SCG5: variants seen among roughly 807,000 people sequenced by gnomAD.
The protein encoded by SCG5 is secretogranin V, also known as neuroendocrine protein 7B2.
In SCG5, 18 loss-of-function variants were observed where a neutral mutation model predicts 25.7. That is an observed-to-expected ratio of 0.70 (90% confidence interval 0.48 to 1.04). SCG5 has a LOEUF of 1.04. Ranked by LOEUF, SCG5 falls within the 50% of genes least tolerant of loss-of-function variation. The probability of loss-of-function intolerance (pLI) is 0.00; values close to 1 mark genes in which losing one functional copy is unlikely to be tolerated. For synonymous variants in SCG5, 101 were observed against 91.7 expected, an observed-to-expected ratio of 1.10 and a Z score of -0.58; for missense variants, 206 against 259.8, an observed-to-expected ratio of 0.79 and a Z score of 1.42.
intron 2 of SCG5, among the ~76,000 whole-genome samples, chr15:32,644,055 A>C (rs1339791644): frequency 6.6e-6 from 1 of 152,154 alleles, no homozygotes; most frequent in African/African-American, 2.4e-5. Context: ...GAGAGCAGGG[A>C]CCTTATCTAT....
At chr15:32,661,150 G>T (rs975481013) in intron 2 of SCG5, among the ~76,000 whole-genome samples, 1 of 152,202 alleles carries the variant, frequency 6.6e-6, no homozygotes, top group Non-Finnish European at 1.5e-5. Context: ...TTTAGAGCAG[G>T]TGAGCAACAT....
chr15:32,648,973 G>A (rs951736220), intron 2 of SCG5, among the ~76,000 whole-genome samples: 1 of 152,090 alleles, frequency 6.6e-6, no homozygotes, highest in East Asian at 1.9e-4. Context: ...GGGTTTCACC[G>A]TGTTAGCCTC....
chr15:32,687,522 A>C (rs11638903), intron 4 of SCG5, among the ~76,000 whole-genome samples: 1 of 152,044 alleles, frequency 6.6e-6, no homozygotes, highest in Admixed American at 6.5e-5. Flanking sequence ...GTGGGAATTG[A>C]GTATGTCTTG....
At chr15:32,689,987 G>A (rs1288149626) in intron 4 of SCG5, among the ~76,000 whole-genome samples, 3 of 151,966 alleles carry the variant, frequency 2.0e-5, no homozygotes, top group East Asian at 1.9e-4. Context: ...GACTACAGGC[G>A]CCCGCCACCA....
intron 2 of SCG5, among the ~76,000 whole-genome samples, chr15:32,649,924 G>T (rs944462393): frequency 1.3e-5 from 2 of 152,192 alleles, no homozygotes; most frequent in Non-Finnish European, 2.9e-5. Flanking sequence ...AAATGGGCTT[G>T]TCTGGTTCGA....
intron 2 of SCG5, among the ~76,000 whole-genome samples, chr15:32,671,043 G>A (rs923912435): frequency 7.9e-5 from 12 of 152,102 alleles, no homozygotes; most frequent in South Asian, 4.1e-4. Flanking sequence ...TACAGTATCC[G>A]ATTTGTATCC....
chr15:32,647,580 A>ACCTTTCAAAGCTG (rs2053963375), intron 2 of SCG5, among the ~76,000 whole-genome samples: 1 of 152,044 alleles, frequency 6.6e-6, no homozygotes, highest in East Asian at 1.9e-4. Flanking sequence ...TTTCACAGCA[A>ACCTTTCAAAGCTG]CCTTTCACAG....
At chr15:32,679,655 C>A in intron 2 of SCG5, 111 bp from the exon 3 acceptor site, 1 of 1,157,640 alleles carries the variant, frequency 8.6e-7, no homozygotes, top group African/African-American at 1.5e-5. Context: ...ATTTATTTTT[C>A]TCTCCCCACA....
At chr15:32,673,978 C>G (rs1482225679) in intron 2 of SCG5, among the ~76,000 whole-genome samples, 2 of 152,158 alleles carry the variant, frequency 1.3e-5, no homozygotes, top group Non-Finnish European at 2.9e-5. Context: ...CTCTGCCTCC[C>G]AAAGTGCTGG....
At chr15:32,659,108 G>A (rs1382395290) in intron 2 of SCG5, among the ~76,000 whole-genome samples, 5 of 152,078 alleles carry the variant, frequency 3.3e-5, no homozygotes, top group Admixed American at 2.6e-4. Context: ...CCTGGGAGGC[G>A]GAGCTGGCAG....
In SCG5 at chr15:32,695,570, C is replaced by T. The variant is rs148091588; in HGVS notation, c.544-944C>T. The stretch of plus-strand genomic sequence containing the variant: ...TGAGTCAAAAACAAAGGACCCTTCC[C>T]GGAAGCTTCCTTTTTTGCTTCAGTT... On this transcript the variant is annotated intron_variant, in intron 5 of 5. Coordinates refer to ENST00000300175, the MANE Select transcript of SCG5 (RefSeq NM_001144757.3). 1.4e-4 allele frequency among the ~76,000 whole-genome samples: 21 copies of T among 152,026 alleles called. No individual in the cohort carries two copies. The East Asian group carries it at 2.9e-3, about 21-fold the overall frequency.
chr15:32,657,364 T>C (rs945609664), intron 2 of SCG5, among the ~76,000 whole-genome samples: 1 of 150,622 alleles, frequency 6.6e-6, no homozygotes, highest in Non-Finnish European at 1.5e-5. Context: ...TTAAGTGCTC[T>C]GCTCTGTATT....
At chr15:32,656,594 TG>T (rs1002420710) in intron 2 of SCG5, among the ~76,000 whole-genome samples, 3 of 152,240 alleles carry the variant, frequency 2.0e-5, no homozygotes, top group African/African-American at 7.2e-5. Flanking sequence ...TCTTCTATCC[TG>T]GTAGACTAGT....
intron 1 of SCG5, 61 bp downstream of exon 1, chr15:32,641,839 A>G (rs2053865503): frequency 6.6e-6 from 1 of 152,292 alleles, no homozygotes; most frequent in Non-Finnish European, 1.5e-5. Flanking sequence ...TGGTATTGCC[A>G]GTTGTGGGAG....
chr15:32,679,453 G>A (rs987508924), intron 2 of SCG5, among the ~76,000 whole-genome samples: 6 of 151,900 alleles, frequency 3.9e-5, no homozygotes, highest in Non-Finnish European at 8.8e-5. Flanking sequence ...CGCCTACCTC[G>A]GCTTCGCAAA....
intron 3 of SCG5, among the ~76,000 whole-genome samples, chr15:32,683,719 C>T (rs960250686): frequency 1.8e-4 from 28 of 152,198 alleles, no homozygotes; most frequent in Admixed American, 1.8e-3. Flanking sequence ...AGGAACTAAG[C>T]CTATCTATAT....
At chr15:32,647,267 C>A (rs973421663) in intron 2 of SCG5, among the ~76,000 whole-genome samples, 2 of 152,166 alleles carry the variant, frequency 1.3e-5, no homozygotes, top group Non-Finnish European at 2.9e-5. Context: ...ATCATCATCA[C>A]TTTAGATAAT....
intron 5 of SCG5, among the ~76,000 whole-genome samples, chr15:32,694,228 C>T (rs962151642): frequency 2.0e-5 from 3 of 151,980 alleles, no homozygotes; most frequent in South Asian, 2.1e-4. Flanking sequence ...CTCTTTTTAC[C>T]TCCTCATTAA....
chr15:32,671,119 A>G (rs1295381918), intron 2 of SCG5, among the ~76,000 whole-genome samples: 1 of 152,170 alleles, frequency 6.6e-6, no homozygotes, highest in African/African-American at 2.4e-5. Flanking sequence ...TTGGGAGGTT[A>G]TGAGAATCCC....
Sources: allele counts gnomAD v4.1 joint callset (sites outside exome capture counted in the v4.1 genomes callset), GRCh38; gene constraint gnomAD v4.1.1; transcripts MANE v1.5; gene names NCBI Gene and HGNC (gene_info 2026-07-23, HGNC 2026-07-21).